Variants in LMX1A observed in about 807,000 individuals in gnomAD.
LMX1A encodes the protein LIM homeobox transcription factor 1 alpha.
In LMX1A, 15 loss-of-function variants were observed where a neutral mutation model predicts 49.1. The ratio of observed to expected loss-of-function variants is 0.31; its 90% CI spans 0.20 to 0.47. The LOEUF (loss-of-function observed/expected upper bound fraction) is 0.47. Ranked by LOEUF, LMX1A falls within the 20% of genes least tolerant of loss-of-function variation. The pLI is 1.00. For synonymous variants in LMX1A, 167 were observed against 185.7 expected, an observed-to-expected ratio of 0.90 and a Z score of 0.82; for missense variants, 372 against 475.8, an observed-to-expected ratio of 0.78 and a Z score of 2.03.
chr1:165,304,495 G>T (rs1335386223), intron 3 of LMX1A, among the ~76,000 whole-genome samples: 1 of 152,172 alleles, frequency 6.6e-6, no homozygotes, highest in Non-Finnish European at 1.5e-5. Context: ...TACAGTCAAA[G>T]ATGAAAATCA....
chr1:165,344,937 C>T (rs1193528012), intron 3 of LMX1A, among the ~76,000 whole-genome samples: 1 of 152,216 alleles, frequency 6.6e-6, no homozygotes, highest in African/African-American at 2.4e-5. Context: ...GCATCAGCTC[C>T]GACTCAGGCT....
intron 3 of LMX1A, among the ~76,000 whole-genome samples, chr1:165,274,336 T>A (rs2101698834): frequency 6.6e-6 from 1 of 152,316 alleles, no homozygotes; most frequent in African/African-American, 2.4e-5. Flanking sequence ...TGGTTTATAT[T>A]TGCCACCCTC....
intron 3 of LMX1A, among the ~76,000 whole-genome samples, chr1:165,314,375 T>G (rs1456380575): frequency 6.6e-6 from 1 of 152,236 alleles, no homozygotes; most frequent in Admixed American, 6.5e-5. Flanking sequence ...GCTTGCATCT[T>G]AAGTGCAGGG....
At chr1:165,331,907 AC>A (rs1390377002) in intron 3 of LMX1A, among the ~76,000 whole-genome samples, 1 of 152,220 alleles carries the variant, frequency 6.6e-6, no homozygotes, top group Non-Finnish European at 1.5e-5. Context: ...ACAAAGTGAG[AC>A]ACGGTCTCGA....
chr1:165,325,053 T>A (rs912375982), intron 3 of LMX1A, among the ~76,000 whole-genome samples: 1 of 152,176 alleles, frequency 6.6e-6, no homozygotes, highest in Non-Finnish European at 1.5e-5. Context: ...AGCCCCCAGA[T>A]GACCACCACA....
At chr1:165,345,085 TG>T (rs1656196319) in intron 3 of LMX1A, among the ~76,000 whole-genome samples, 1 of 152,204 alleles carries the variant, frequency 6.6e-6, no homozygotes, top group African/African-American at 2.4e-5. Context: ...AAATATGGTT[TG>T]GGGGGATAGT....
chr1:165,229,373 G>C (rs904857947), intron 4 of LMX1A, among the ~76,000 whole-genome samples: 3 of 152,192 alleles, frequency 2.0e-5, no homozygotes, highest in African/African-American at 7.2e-5. Flanking sequence ...GGAAGCTATA[G>C]ATGGCCCCCC....
chr1:165,282,091 C>A (rs1273749065), intron 3 of LMX1A, among the ~76,000 whole-genome samples: 2 of 152,212 alleles, frequency 1.3e-5, no homozygotes, highest in African/African-American at 4.8e-5. Context: ...TGGGCACTGA[C>A]CCCTGGGCCC....
chr1:165,320,365 A>T (rs1317171158), intron 3 of LMX1A, among the ~76,000 whole-genome samples: 1 of 152,226 alleles, frequency 6.6e-6, no homozygotes, highest in Non-Finnish European at 1.5e-5. Flanking sequence ...CCCCAATGTG[A>T]TTGTTAGCTA....
intron 3 of LMX1A, among the ~76,000 whole-genome samples, chr1:165,268,592 T>C (rs1375869542): frequency 6.6e-6 from 1 of 152,210 alleles, no homozygotes; most frequent in Non-Finnish European, 1.5e-5. Context: ...TTTTCTAGTA[T>C]TTAAGGGCAG....
intron 4 of LMX1A, among the ~76,000 whole-genome samples, chr1:165,221,268 G>A (rs973410655): frequency 1.3e-5 from 2 of 152,004 alleles, no homozygotes; most frequent in East Asian, 3.9e-4. Context: ...AGAAAGAAAG[G>A]GAAGGCTTTC....
chr1:165,208,124 C>T lies in LMX1A; in HGVS notation c.756G>A (p.Lys252=). 6.2e-7 allele frequency: 1 copy of T among 1,613,938 alleles called. No homozygotes were observed. The highest frequency in any genetic ancestry group is 1.1e-5 in the South Asian group (1 of 91,050). Residue 252 remains lysine, a synonymous_variant, in exon 7 of 9, where the codon AAG becomes AAA. Transcript: ENST00000342310. The part of the protein sequence containing the change: ...WFQNQRAKMK[K]LARRQQQQQQ... Reference sequence around the variant, plus strand: ...GCTGCTGCTGCTGTCGCCTGGCCAGCTTCTTCATCTGATAAGGAGAGGACC... The same window carrying T: ...GCTGCTGCTGCTGTCGCCTGGCCAGTTTCTTCATCTGATAAGGAGAGGACC...
intron 4 of LMX1A, among the ~76,000 whole-genome samples, chr1:165,224,451 G>T (rs553904199): frequency 1.3e-5 from 2 of 152,254 alleles, no homozygotes; most frequent in South Asian, 4.1e-4. Flanking sequence ...CAACAAGATA[G>T]TTACAGGAAC....
chr1:165,291,800 A>T (rs1172266097), intron 3 of LMX1A, among the ~76,000 whole-genome samples: 2 of 152,144 alleles, frequency 1.3e-5, no homozygotes, highest in African/African-American at 4.8e-5. Flanking sequence ...GCGGTGGCTC[A>T]CGCCTGTAAT....
At chr1:165,208,473 C>G (rs749993751) in intron 6 of LMX1A, among the ~76,000 whole-genome samples, 2 of 152,036 alleles carry the variant, frequency 1.3e-5, no homozygotes, top group Non-Finnish European at 2.9e-5. Context: ...AATCTGCAGC[C>G]CAGCCTAGAC....
intron 4 of LMX1A, among the ~76,000 whole-genome samples, chr1:165,238,110 C>T (rs766065267): frequency 1.3e-5 from 2 of 152,210 alleles, no homozygotes; most frequent in Non-Finnish European, 2.9e-5. Context: ...TAGACAGAAG[C>T]ACATTGTCAT....
At chr1:165,318,689 C>G (rs367582588) in intron 3 of LMX1A, among the ~76,000 whole-genome samples, 17 of 151,978 alleles carry the variant, frequency 1.1e-4, no homozygotes, top group African/African-American at 4.1e-4. Context: ...GATTCTTTGG[C>G]CTTTTACCCT....
At chr1:165,292,068 A>C (rs1260070553) in intron 3 of LMX1A, among the ~76,000 whole-genome samples, 17 of 150,890 alleles carry the variant, frequency 1.1e-4, no homozygotes, top group African/African-American at 4.1e-4. Context: ...TCTCAAAAAA[A>C]AAAAAAAAAA....
At chr1:165,273,858 C>T (rs187427824) in intron 3 of LMX1A, among the ~76,000 whole-genome samples, 127 of 152,228 alleles carry the variant, frequency 8.3e-4, no homozygotes, top group East Asian at 5.6e-3. Context: ...ACAAATGAGG[C>T]GCCCTTGGGA....
Sources: gnomAD v4.1 joint callset for allele counts (sites outside exome capture counted in the v4.1 genomes callset) on GRCh38, gnomAD v4.1.1 for gene constraint, MANE v1.5 for transcripts, NCBI Gene and HGNC (gene_info 2026-07-23, HGNC 2026-07-21) for gene names.